The following ASCC3 variants were observed in gnomAD, a reference collection of about 807,000 sequenced individuals.
ASCC3 encodes the protein ASC-1 complex subunit P200.
A neutral mutation model predicts 256.3 loss-of-function variants in ASCC3; 158 were observed. The ratio of observed to expected loss-of-function variants is 0.62; its 90% CI spans 0.54 to 0.70. ASCC3 has a LOEUF of 0.70. ASCC3 is among the 30% of genes least tolerant of loss of function. ASCC3 has a pLI of 0.00. For missense variants in ASCC3, 2,259 were observed against 2,626.0 expected (o/e 0.86, Z 3.05); for synonymous variants, 948 against 883.4 (o/e 1.07, Z -1.30).
intron 34 of ASCC3, among the ~76,000 whole-genome samples, chr6:100,600,709 T>C (rs1046848380): frequency 6.6e-6 from 1 of 152,132 alleles, no homozygotes; most frequent in African/African-American, 2.4e-5. Context: ...TGCCTTAACA[T>C]TGACCCTCCC....
In ASCC3 at chr6:100,848,390, C is replaced by T; in HGVS notation, c.559G>A (p.Glu187Lys). ...TCTAGGCTTATAGTTTTCTGAGTTT[C>T]ACCATTTATTGGCAGTTCGTCAAAG... ...DHFDELPING[E>K]TQKTISLDYK... Residue 187 changes from glutamate (E) to lysine (K), a missense_variant, in exon 4 of 42, where the codon GAA (glutamate) becomes AAA (lysine). Glu to Lys is a moderately conservative substitution (Grantham distance 56). Transcript: ENST00000369162. 1 of 1,613,726 alleles carries T rather than the reference C, an allele frequency of 6.2e-7. No homozygotes were observed. Among genetic ancestry groups the T allele is most frequent in the Non-Finnish European group, 8.5e-7 (1 of 1,179,964 alleles).
At chr6:100,610,192 A>G (rs1414993018) in intron 30 of ASCC3, among the ~76,000 whole-genome samples, 1 of 152,222 alleles carries the variant, frequency 6.6e-6, no homozygotes, top group Non-Finnish European at 1.5e-5. Context: ...AAGTATAAAA[A>G]AGTGACAATT....
intron 24 of ASCC3, 50 bp downstream of exon 24, chr6:100,642,531 A>G (rs1394148957): frequency 1.3e-6 from 2 of 1,593,098 alleles, no homozygotes; most frequent in Admixed American, 1.7e-5. Context: ...ATTAATTAAA[A>G]CAACCATTTT....
chr6:100,828,149 ATAT>A (rs1181990134), intron 4 of ASCC3, among the ~76,000 whole-genome samples: 2 of 151,562 alleles, frequency 1.3e-5, no homozygotes, highest in Non-Finnish European at 2.9e-5. Flanking sequence ...TTAGTAACTC[ATAT>A]TAATAATTAT....
At chr6:100,864,951 G>C (rs950045175) in intron 2 of ASCC3, among the ~76,000 whole-genome samples, 1 of 152,142 alleles carries the variant, frequency 6.6e-6, no homozygotes, top group Non-Finnish European at 1.5e-5. Flanking sequence ...TTGATCCATA[G>C]AGAAAACTCA....
At chr6:100,851,986 G>GCA (rs1271128171) in intron 3 of ASCC3, among the ~76,000 whole-genome samples, 1 of 152,118 alleles carries the variant, frequency 6.6e-6, no homozygotes, top group Non-Finnish European at 1.5e-5. Context: ...ATGCTTTCCA[G>GCA]CACACTGTCC....
intron 34 of ASCC3, among the ~76,000 whole-genome samples, chr6:100,594,196 T>C (rs774517281): frequency 3.3e-5 from 5 of 152,078 alleles, no homozygotes; most frequent in African/African-American, 4.8e-5. Flanking sequence ...TATATAACTA[T>C]ATTATAAAAA....
At position 100,515,079 on chromosome 6, in the gene ASCC3, T is replaced by C. The variant is rs532414858; in HGVS notation, c.6075+1101A>G. Reference sequence around the variant, plus strand: ...AATTTATGCAAATAAATTAAGTAAGTTTACTTCTGAGTTCTCCCTGAACTA... The same window carrying C: ...AATTTATGCAAATAAATTAAGTAAGCTTACTTCTGAGTTCTCCCTGAACTA... On this transcript the variant is annotated intron_variant, in intron 39 of 41. Transcript: ENST00000369162. Among the ~76,000 whole-genome samples the C allele has an allele frequency of 4.3e-4, 65 of 152,278 alleles. No individual in the cohort carries two copies. The South Asian group carries it at 0.013, about 31-fold the overall frequency.
rs1157528388 is a variant in ASCC3, at chr6:100,518,158, G to A, written c.5776-16C>T. 6.2e-7 allele frequency: 1 copy of A among 1,613,128 alleles called. No homozygotes were observed. Among genetic ancestry groups the A allele is most frequent in the Non-Finnish European group, 8.5e-7 (1 of 1,179,414 alleles). Reference sequence around the variant, plus strand: ...CCAGCATTGCCTGAACAGGGAAAATGCACATGTTACAAGAATTATATCATG... The same window carrying A: ...CCAGCATTGCCTGAACAGGGAAAATACACATGTTACAAGAATTATATCATG... On this transcript the variant is annotated splice_polypyrimidine_tract_variant and intron_variant, in intron 37 of 41. Transcript: ENST00000369162.
intron 37 of ASCC3, among the ~76,000 whole-genome samples, chr6:100,531,326 C>T (rs1483782979): frequency 6.6e-6 from 1 of 152,120 alleles, no homozygotes; most frequent in Admixed American, 6.5e-5. Context: ...CTTTATTCTC[C>T]CATAAGTCCT....
chr6:100,822,926 C>A (rs1771123599), intron 4 of ASCC3, among the ~76,000 whole-genome samples: 1 of 152,116 alleles, frequency 6.6e-6, no homozygotes, highest in Non-Finnish European at 1.5e-5. Context: ...AAATGTTTAA[C>A]CCAATATATA....
chr6:100,528,963 G>C (rs920807563), intron 37 of ASCC3, among the ~76,000 whole-genome samples: 1 of 152,174 alleles, frequency 6.6e-6, no homozygotes, highest in African/African-American at 2.4e-5. Context: ...CTTGAGGCAA[G>C]GAACCTCTGA....
At chr6:100,827,088 C>T (rs566330747) in intron 4 of ASCC3, among the ~76,000 whole-genome samples, 69 of 152,252 alleles carry the variant, frequency 4.5e-4, no homozygotes, top group Middle Eastern at 3.4e-3. Flanking sequence ...TAAAATGGTC[C>T]GCTCAGATTT....
At chr6:100,847,966 C>T (rs913021119) in intron 4 of ASCC3, 182 bp downstream of exon 4, 1 of 541,810 alleles carries the variant, frequency 1.8e-6, no homozygotes, top group African/African-American at 1.9e-5. Context: ...CACTTTCAGA[C>T]CTCCTGTAAC....
At chr6:100,816,248 T>G (rs548450966) in intron 4 of ASCC3, among the ~76,000 whole-genome samples, 2 of 151,738 alleles carry the variant, frequency 1.3e-5, no homozygotes, top group South Asian at 4.2e-4. Context: ...TACTAAAAAG[T>G]CAAAAAATAA....
At chr6:100,810,836 G>C (rs1770427702) in intron 4 of ASCC3, among the ~76,000 whole-genome samples, 1 of 152,096 alleles carries the variant, frequency 6.6e-6, no homozygotes, top group African/African-American at 2.4e-5. Context: ...ACAAGTATAA[G>C]AGATGACACT....
intron 10 of ASCC3, among the ~76,000 whole-genome samples, chr6:100,732,933 T>A (rs1161413224): frequency 6.6e-6 from 1 of 151,846 alleles, no homozygotes; most frequent in African/African-American, 2.4e-5. Flanking sequence ...TTTCCTGCAA[T>A]TTAACAACAT....
At chr6:100,822,306 G>A (rs951366463) in intron 4 of ASCC3, among the ~76,000 whole-genome samples, 22 of 152,132 alleles carry the variant, frequency 1.4e-4, no homozygotes, top group African/African-American at 5.3e-4. Context: ...GGAGGCTGAG[G>A]CAGGCAGATC....
In ASCC3 at chr6:100,760,549, TATC is replaced by T. The variant is rs377473524; in HGVS notation, c.1737+6013_1737+6015del. Among the ~76,000 whole-genome samples the T allele has an allele frequency of 1.4e-3, 206 of 152,296 alleles. 1 individual carries two copies. Among genetic ancestry groups the T allele is most frequent in the Admixed American group, 2.2e-3 (33 of 15,290 alleles). The stretch of plus-strand genomic sequence containing the variant: ...GTTCTGACAAGACTTTTAAAGTAAT[TATC>T]ATAAAAATCCTTCAAGGAGCAATTT... On this transcript the variant is annotated intron_variant, in intron 10 of 41. Transcript: ENST00000369162.
Sources: gnomAD v4.1 joint callset for allele counts (sites outside exome capture counted in the v4.1 genomes callset) on GRCh38, gnomAD v4.1.1 for gene constraint, MANE v1.5 for transcripts, NCBI Gene and HGNC (gene_info 2026-07-23, HGNC 2026-07-21) for gene names.